ZNF599: variants seen among roughly 807,000 people sequenced by gnomAD.
ZNF599 encodes the protein zinc finger protein 599.
ZNF599 carries 10 observed loss-of-function variants against 11.7 expected under a neutral mutation model. That is an observed-to-expected ratio of 0.86 (90% CI 0.53 to 1.45). The LOEUF (loss-of-function observed/expected upper bound fraction) is 1.45. ZNF599 is among the 40% of genes most tolerant of loss of function. The pLI is 0.00. For synonymous variants in ZNF599, 232 were observed against 253.2 expected (o/e 0.92, Z 0.79); for missense variants, 688 against 713.6 (o/e 0.96, Z 0.41).
chr19:34,768,211 T>C (rs563500119), intron 2 of ZNF599, among the ~76,000 whole-genome samples: 1 of 152,324 alleles, frequency 6.6e-6, no homozygotes, highest in South Asian at 2.1e-4. Flanking sequence ...AGCTGGGTGA[T>C]GAGCAGCATT....
In ZNF599 at chr19:34,759,548, G is replaced by C. The variant is rs368143719; in HGVS notation, c.1253C>G (p.Thr418Ser). Residue 418 changes from threonine (T) to serine (S), a missense_variant, in exon 4 of 4, where the codon ACC (threonine) becomes AGC (serine). Transcript: ENST00000329285. ...STFIRHKRTHTGEKPFECKEC... is the reference protein window; with the variant it reads ...STFIRHKRTHSGEKPFECKEC... ...TTTGCACTCAAAGGGCTTCTCTCCG[G>C]TATGGGTCCTCTTATGTCGGATGAA... 14 of 1,613,770 alleles carry C rather than the reference G, an allele frequency of 8.7e-6. No individual in the cohort carries two copies. The Admixed American group carries it at 2.3e-4, about 27-fold the overall frequency.
Position 34,772,804 on chromosome 19 carries a change from C to G in ZNF599, c.18+20G>C, listed in dbSNP as rs762991859. The stretch of plus-strand genomic sequence containing the variant: ...GGGCGGTGACCCGAGCTCGCGCGGG[C>G]TGCGGAACCCTCCACTCACCAACGC... On this transcript the variant is annotated intron_variant, in intron 1 of 3. Coordinates refer to ENST00000329285, the MANE Select transcript of ZNF599 (RefSeq NM_001007248.3). 66 of 1,533,296 alleles carry G rather than the reference C, an allele frequency of 4.3e-5. No individual in the cohort carries two copies. In the African/African-American group the frequency reaches 8.7e-4, roughly 20 times the overall value. 95.0% of individuals were successfully genotyped at this position (1,533,296 alleles called of 1,614,324 possible).
chr19:34,782,495 C>G, the ZNF599 span, among the ~76,000 whole-genome samples: 1 of 152,194 alleles, frequency 6.6e-6, no homozygotes, highest in South Asian at 2.1e-4. Context: ...AATGACTGAG[C>G]TGGATGGGAT....
At chr19:34,782,679 C>A in the ZNF599 span, among the ~76,000 whole-genome samples, 2 of 152,324 alleles carry the variant, frequency 1.3e-5, no homozygotes, top group African/African-American at 2.4e-5. Context: ...ACAGAGCCGC[C>A]TCTGGGGCAA....
the ZNF599 span, among the ~76,000 whole-genome samples, chr19:34,792,668 C>T: frequency 6.6e-6 from 1 of 152,046 alleles, no homozygotes; most frequent in Non-Finnish European, 1.5e-5. Flanking sequence ...TCGAGACCAT[C>T]CTGGCTAACA....
chr19:34,788,639 T>TGAGAGAAGAAATGTGGATCCA, the ZNF599 span: 1 of 152,238 alleles, frequency 6.6e-6, no homozygotes, highest in Non-Finnish European at 1.5e-5. Context: ...AGATCTGTGA[T>TGAGAGAAGAAATGTGGATCCA]GAGAGAAGAA....
At chr19:34,777,320 A>C (rs1455771763), upstream of ZNF599, among the ~76,000 whole-genome samples, 8 of 47,436 alleles carry the variant, frequency 1.7e-4, no homozygotes, top group African/African-American at 7.9e-4. Context: ...ATATTTATCT[A>C]TATTATATAT....
At chr19:34,792,561 CTG>C in the ZNF599 span, among the ~76,000 whole-genome samples, 1 of 152,152 alleles carries the variant, frequency 6.6e-6, no homozygotes, top group African/African-American at 2.4e-5. Flanking sequence ...AATCTCAAGA[CTG>C]AAATTAATCC....
At chr19:34,767,487 A>G in intron 2 of ZNF599, 76 bp from the exon 3 acceptor site, 1 of 1,169,692 alleles carries the variant, frequency 8.5e-7, no homozygotes, top group Non-Finnish European at 1.3e-6. Context: ...AAAGGAGTAC[A>G]TATATTTAAC....
the ZNF599 span, among the ~76,000 whole-genome samples, chr19:34,803,403 T>C: frequency 6.6e-6 from 1 of 152,150 alleles, no homozygotes; most frequent in African/African-American, 2.4e-5. Context: ...CACTGCAGTA[T>C]AGGAGTTTCG....
chr19:34,767,250 A>G, intron 3 of ZNF599, 66 bp downstream of exon 3: 1 of 1,294,494 alleles, frequency 7.7e-7, no homozygotes. Context: ...GGCATTTCAG[A>G]CACAGTGATG....
chr19:34,776,099 T>C (rs781760137), upstream of ZNF599, among the ~76,000 whole-genome samples: 5 of 152,238 alleles, frequency 3.3e-5, no homozygotes, highest in Non-Finnish European at 7.3e-5. Flanking sequence ...TCCTAAGTAA[T>C]AGAATTTCTT....
chr19:34,772,783 GGT>G (rs1395281707), intron 1 of ZNF599, 39 bp downstream of exon 1: 2 of 1,535,070 alleles, frequency 1.3e-6, no homozygotes, highest in Admixed American at 4.0e-5. Flanking sequence ...GCATGCGGGC[GGT>G]GACCCGAGCT....
upstream of ZNF599, among the ~76,000 whole-genome samples, chr19:34,778,076 T>C (rs991820306): frequency 6.6e-6 from 1 of 152,144 alleles, no homozygotes; most frequent in Non-Finnish European, 1.5e-5. Context: ...GGTATACACA[T>C]ATGTTCTAAC....
At chr19:34,806,584 T>A in the ZNF599 span, among the ~76,000 whole-genome samples, 5 of 152,294 alleles carry the variant, frequency 3.3e-5, no homozygotes, top group East Asian at 9.6e-4. Flanking sequence ...GCAACAAAGT[T>A]GGCTGATGAG....
the ZNF599 span, among the ~76,000 whole-genome samples, chr19:34,787,004 TC>T: frequency 6.6e-6 from 1 of 152,146 alleles, no homozygotes; most frequent in African/African-American, 2.4e-5. Flanking sequence ...AAATGCATGC[TC>T]CCTGGCCCCA....
the ZNF599 span, among the ~76,000 whole-genome samples, chr19:34,797,321 A>G: frequency 9.9e-5 from 15 of 152,282 alleles, 1 homozygote; most frequent in Non-Finnish European, 2.1e-4. Flanking sequence ...TCCTTTGGGT[A>G]TATACCCAGT....
chr19:34,759,465 T>G lies in ZNF599; in HGVS notation c.1336A>C (p.Thr446Pro), dbSNP rs2069094243. ...SSLIQHMRIHTGEKPYECSEC... is the reference protein window; with the variant it reads ...SSLIQHMRIHPGEKPYECSEC... ...CTGCACTCATAAGGCTTCTCACCAG[T>G]GTGAATCCTCATATGTTGAATTAAG... Residue 446 changes from threonine (T) to proline (P), a missense_variant, in exon 4 of 4, where the codon ACT (threonine) becomes CCT (proline). Thr to Pro is a conservative substitution (Grantham distance 38). Transcript: ENST00000329285. 2 of 1,614,022 alleles carry G rather than the reference T, an allele frequency of 1.2e-6. No homozygotes were observed. The highest frequency in any genetic ancestry group is 3.3e-5 in the Admixed American group (2 of 59,996).
At chr19:34,799,323 T>C in the ZNF599 span, among the ~76,000 whole-genome samples, 1 of 152,232 alleles carries the variant, frequency 6.6e-6, no homozygotes, top group African/African-American at 2.4e-5. Context: ...CATAGCATTT[T>C]CAGACTGACT....
Sources: gnomAD v4.1 joint callset for allele counts (sites outside exome capture counted in the v4.1 genomes callset) on GRCh38, gnomAD v4.1.1 for gene constraint, MANE v1.5 for transcripts, NCBI Gene and HGNC (gene_info 2026-07-23, HGNC 2026-07-21) for gene names.